The following CPLX1 variants were observed in gnomAD, a reference collection of about 807,000 sequenced individuals.
CPLX1 encodes complexin 1.
Under a neutral mutation model 15.6 loss-of-function variants are expected in CPLX1, and 6 were observed. That is an observed-to-expected ratio of 0.39 (90% confidence interval 0.21 to 0.76). CPLX1 has a LOEUF of 0.76. CPLX1 is among the 30% of genes least tolerant of loss of function. The pLI is 0.43. For synonymous variants in CPLX1, 91 were observed against 75.2 expected (o/e 1.21, Z -1.08); for missense variants, 242 against 188.6 (o/e 1.28, Z -1.66).
At chr4:807,367 T>G (rs1746574743) in intron 2 of CPLX1, among the ~76,000 whole-genome samples, 1 of 152,174 alleles carries the variant, frequency 6.6e-6, no homozygotes, top group African/African-American at 2.4e-5. Flanking sequence ...TAATGCATGC[T>G]GGGCTTAATA....
At chr4:812,499 T>C (rs2152647206) in intron 2 of CPLX1, among the ~76,000 whole-genome samples, 1 of 152,206 alleles carries the variant, frequency 6.6e-6, no homozygotes, top group Non-Finnish European at 1.5e-5. Context: ...GAAGAAAAAG[T>C]CATAAATCAA....
At chr4:810,898 T>C (rs1469843431) in intron 2 of CPLX1, among the ~76,000 whole-genome samples, 2 of 151,984 alleles carry the variant, frequency 1.3e-5, no homozygotes, top group Non-Finnish European at 2.9e-5. Context: ...GTTTTCACCA[T>C]GTTGGCCAGG....
At chr4:817,787 C>T (rs1329224657) in intron 2 of CPLX1, among the ~76,000 whole-genome samples, 1 of 152,174 alleles carries the variant, frequency 6.6e-6, no homozygotes, top group Non-Finnish European at 1.5e-5. Context: ...CCACTTCCAT[C>T]TGGAGATGCT....
chr4:787,410 T>C (rs567925051), intron 3 of CPLX1: 5 of 978,872 alleles, frequency 5.1e-6, no homozygotes, highest in Admixed American at 1.2e-4. Flanking sequence ...CTCAAATTCA[T>C]ATTGCCTGGA....
chr4:796,505 G>C (rs906016292), intron 2 of CPLX1, among the ~76,000 whole-genome samples: 1 of 152,146 alleles, frequency 6.6e-6, no homozygotes, highest in African/African-American at 2.4e-5. Context: ...GGGTGGTCTC[G>C]AACTCCTGAC....
chr4:799,568 A>C (rs1460759821), intron 2 of CPLX1, among the ~76,000 whole-genome samples: 1 of 152,156 alleles, frequency 6.6e-6, no homozygotes, highest in East Asian at 1.9e-4. Context: ...TATCCTTGAA[A>C]ATATCCTCTG....
rs536615471 is a variant in CPLX1 at position 816,622 on chromosome 4, C to A, written c.31+7870G>T. Among the ~76,000 whole-genome samples, 9 of 152,182 alleles carry A rather than the reference C, an allele frequency of 5.9e-5. No individual in the cohort carries two copies. The East Asian group carries it at 1.7e-3, about 29-fold the overall frequency. On this transcript the variant is annotated intron_variant, in intron 2 of 3. Transcript: ENST00000304062. ...CTTCTTTATACTTATTATTTGAATT[C>A]TCTTCCTAGCCTGGGAAACATGGTG...
chr4:790,025 C>T lies in CPLX1; in HGVS notation c.207+2408G>A, dbSNP rs539837631. ...CCCAACAGGTGGCCACGCCTGAGGG[C>T]GGGGTTCCCCCACCCCCCAAAGGCC... On this transcript the variant is annotated intron_variant, in intron 3 of 3. Transcript: ENST00000304062. Among the ~76,000 whole-genome samples, 730 of 79,952 alleles carry T rather than the reference C, an allele frequency of 9.1e-3. 12 individuals carry two copies. The highest frequency in any genetic ancestry group is 0.053 in the African/African-American group (682 of 12,922). The allele number at this position is 79,952 out of a possible 152,430, so 52.5% of individuals were successfully genotyped here.
intron 2 of CPLX1, among the ~76,000 whole-genome samples, chr4:806,974 GGT>G (rs1746565840): frequency 6.6e-6 from 1 of 152,032 alleles, no homozygotes; most frequent in Non-Finnish European, 1.5e-5. Flanking sequence ...CCCATTACTG[GGT>G]ATATACCCAA....
chr4:795,024 C>A (rs1186620796), intron 2 of CPLX1, among the ~76,000 whole-genome samples: 1 of 152,210 alleles, frequency 6.6e-6, no homozygotes, highest in African/African-American at 2.4e-5. Context: ...CTGGAAGGCC[C>A]ACCTCTAAGG....
chr4:792,493 C>T lies in CPLX1; in HGVS notation c.147G>A (p.Lys49=). ...EALRQAEEER[K]AKYAKMEAER... The stretch of plus-strand genomic sequence containing the variant: ...CCGCCTCCATCTTGGCGTACTTGGC[C>T]TTGCGCTCCTCCTCCGCCTGGCGCA... Residue 49 remains lysine, a synonymous_variant, in exon 3 of 4, where the codon AAG becomes AAA. Transcript: ENST00000304062. 3.7e-6 allele frequency: 6 copies of T among 1,612,954 alleles called. No homozygotes were observed. The highest frequency in any genetic ancestry group is 5.1e-6 in the Non-Finnish European group (6 of 1,179,692).
chr4:803,831 G>A (rs1312272170), intron 2 of CPLX1, among the ~76,000 whole-genome samples: 4 of 152,126 alleles, frequency 2.6e-5, no homozygotes, highest in Non-Finnish European at 4.4e-5. Flanking sequence ...CACCACGCCT[G>A]GCTAATTTTT....
intron 2 of CPLX1, among the ~76,000 whole-genome samples, chr4:800,735 ATATATAT>A (rs1373922696): frequency 3.1e-4 from 6 of 19,198 alleles, no homozygotes; most frequent in Non-Finnish European, 7.5e-4. Flanking sequence ...AAAAAAAAAA[ATATATAT>A]ATATATATAT....
chr4:805,690 G>T (rs1746543992), intron 2 of CPLX1, among the ~76,000 whole-genome samples: 1 of 152,184 alleles, frequency 6.6e-6, no homozygotes, highest in Non-Finnish European at 1.5e-5. Flanking sequence ...AACCAAGAGG[G>T]AGAAACAACC....
At position 792,573 on chromosome 4, in the gene CPLX1, C is replaced by G. The variant is rs1746215999; in HGVS notation, c.67G>C (p.Asp23His). 2 of 1,613,268 alleles carry G rather than the reference C, an allele frequency of 1.2e-6. No individual in the cohort carries two copies. The highest frequency in any genetic ancestry group is 1.7e-6 in the Non-Finnish European group (2 of 1,179,702). The change falls in exon 3 of 4, where the codon GAC becomes CAC. Residue 23 changes from aspartate (D) to histidine (H), a missense_variant. By Grantham distance (81) the Asp-to-His change is moderately conservative (BLOSUM62 -1). Coordinates refer to ENST00000304062, the MANE Select transcript of CPLX1 (RefSeq NM_006651.4). The part of the protein sequence containing the change: ...TKDMGKMLGG[D>H]EEKDPDAAKK... ...GCGGCGTCTGGGTCCTTCTCCTCGT[C>G]ACCCCCCAGCATCTTCCCCATGTCC...
intron 2 of CPLX1, among the ~76,000 whole-genome samples, chr4:819,945 C>A (rs1336081121): frequency 6.6e-6 from 1 of 152,230 alleles, no homozygotes; most frequent in African/African-American, 2.4e-5. Context: ...AGTAGCATCG[C>A]TGAGCAGCTG....
At chr4:825,598 G>T (rs1470608300) in intron 1 of CPLX1, among the ~76,000 whole-genome samples, 1 of 151,950 alleles carries the variant, frequency 6.6e-6, no homozygotes, top group African/African-American at 2.4e-5. Flanking sequence ...AGCGCGCCAG[G>T]AGAGGAAAGA....
chr4:804,957 C>T (rs1330935168), intron 2 of CPLX1: 2 of 985,126 alleles, frequency 2.0e-6, no homozygotes, highest in Admixed American at 6.1e-5. Flanking sequence ...CCCGGCGTCC[C>T]ACTCCTGCGC....
intron 2 of CPLX1, among the ~76,000 whole-genome samples, chr4:820,584 G>A (rs1746842194): frequency 6.6e-6 from 1 of 152,142 alleles, no homozygotes; most frequent in Admixed American, 6.5e-5. Context: ...TTTGGTGCCG[G>A]GAAGGAGGAA....
Sources: allele counts gnomAD v4.1 joint callset (sites outside exome capture counted in the v4.1 genomes callset), GRCh38; gene constraint gnomAD v4.1.1; transcripts MANE v1.5; gene names NCBI Gene and HGNC (gene_info 2026-07-23, HGNC 2026-07-21).